The following CYFIP1 variants were observed in gnomAD, a reference collection of about 807,000 sequenced individuals.
The protein encoded by CYFIP1 is cytoplasmic FMR1-interacting protein 1.
A neutral mutation model predicts 163.5 loss-of-function variants in CYFIP1; 58 were observed. That is an observed-to-expected ratio of 0.35 (90% CI 0.29 to 0.44). CYFIP1 has a LOEUF of 0.44. Among genes scored for constraint, CYFIP1 ranks in the 20% least tolerant of loss-of-function variants. The probability of loss-of-function intolerance (pLI) is 1.00; values close to 1 mark genes in which losing one functional copy is unlikely to be tolerated. For synonymous variants in CYFIP1, 663 were observed against 660.7 expected (o/e 1.00, Z -0.05); for missense variants, 1,338 against 1,653.8 (o/e 0.81, Z 3.31).
At chr15:22,954,243 C>G (rs1201549626) in intron 1 of CYFIP1, among the ~76,000 whole-genome samples, 2 of 152,058 alleles carry the variant, frequency 1.3e-5, no homozygotes, top group Non-Finnish European at 2.9e-5. Flanking sequence ...GAGAGGCCAA[C>G]CCTGCTGGCC....
At chr15:22,873,156 A>G (rs1315957947) in intron 29 of CYFIP1, among the ~76,000 whole-genome samples, 184 bp from the exon 30 acceptor site, 5 of 152,124 alleles carry the variant, frequency 3.3e-5, no homozygotes, top group Non-Finnish European at 5.9e-5. Context: ...TTTGATAAAT[A>G]ACTTTTTTGG....
chr15:22,908,276 C>T (rs1250751146), intron 21 of CYFIP1, among the ~76,000 whole-genome samples: 2 of 152,042 alleles, frequency 1.3e-5, no homozygotes, highest in Admixed American at 6.6e-5. Flanking sequence ...CTGAAGGAAG[C>T]GGCTTGCCTC....
chr15:22,968,883 A>G (rs972299188), intron 1 of CYFIP1, among the ~76,000 whole-genome samples: 1 of 152,186 alleles, frequency 6.6e-6, no homozygotes, highest in African/African-American at 2.4e-5. Context: ...CAGCTTGAGA[A>G]GTTGAGCTTT....
intron 23 of CYFIP1, among the ~76,000 whole-genome samples, chr15:22,889,055 C>A (rs4633678): frequency 0.22 from 32,699 of 149,784 alleles, 4,199 homozygotes; most frequent in Non-Finnish European, 0.28. Context: ...AAAAAACACA[C>A]AAAAAAAACA....
chr15:22,977,860 TAAAAG>T (rs1207942090), intron 1 of CYFIP1, among the ~76,000 whole-genome samples: 1 of 151,304 alleles, frequency 6.6e-6, no homozygotes, highest in African/African-American at 2.4e-5. Context: ...TAACATAACA[TAAAAG>T]AAAAGAAAAC....
chr15:22,971,067 A>C (rs865877101), intron 1 of CYFIP1, among the ~76,000 whole-genome samples: 1 of 152,070 alleles, frequency 6.6e-6, no homozygotes, highest in African/African-American at 2.4e-5. Context: ...CAGAGCAAGG[A>C]TCTGTCTCGA....
chr15:22,919,487 C>A (rs4778298), intron 13 of CYFIP1, among the ~76,000 whole-genome samples: 55,825 of 151,902 alleles, frequency 0.37, 10,504 homozygotes, highest in South Asian at 0.51. Flanking sequence ...CGGCTTTTGC[C>A]GTTTATAAAT....
chr15:22,871,228 A>G (rs2059425267), intron 30 of CYFIP1, among the ~76,000 whole-genome samples: 1 of 152,240 alleles, frequency 6.6e-6, no homozygotes, highest in African/African-American at 2.4e-5. Flanking sequence ...AGGAAACAGC[A>G]AAGTTTTAAA....
intron 1 of CYFIP1, among the ~76,000 whole-genome samples, chr15:22,972,175 C>G (rs1207095383): frequency 2.0e-5 from 3 of 152,170 alleles, no homozygotes; most frequent in African/African-American, 7.2e-5. Flanking sequence ...GTGGCTCCCG[C>G]CTGTAATCCC....
intron 13 of CYFIP1, among the ~76,000 whole-genome samples, chr15:22,921,752 G>A (rs945014582): frequency 3.1e-5 from 4 of 127,996 alleles, no homozygotes; most frequent in South Asian, 5.2e-4. Flanking sequence ...GGCAACACGC[G>A]AGACTCTGTC....
chr15:22,935,885 T>C (rs2061696382), intron 9 of CYFIP1, among the ~76,000 whole-genome samples: 1 of 152,236 alleles, frequency 6.6e-6, no homozygotes, highest in African/African-American at 2.4e-5. Flanking sequence ...TCACATCATA[T>C]ACCATAAACA....
At chr15:22,963,333 A>C (rs1414264854) in intron 1 of CYFIP1, among the ~76,000 whole-genome samples, 1 of 151,980 alleles carries the variant, frequency 6.6e-6, no homozygotes, top group Non-Finnish European at 1.5e-5. Context: ...CCTACTAAAA[A>C]TACAGAATTA....
intron 6 of CYFIP1, among the ~76,000 whole-genome samples, chr15:22,939,818 G>A (rs991085897): frequency 2.6e-5 from 4 of 152,056 alleles, no homozygotes; most frequent in Non-Finnish European, 5.9e-5. Flanking sequence ...ACTGGTGGAC[G>A]CCCACCTCAT....
rs184665046 is a variant in CYFIP1 at position 22,875,383 on chromosome 15, T to G, written c.3043-112A>C. The G allele has an allele frequency of 2.4e-3, 2,182 of 892,434 alleles. 8 individuals carry two copies. The highest frequency in any genetic ancestry group is 3.4e-3 in the Non-Finnish European group (1,842 of 538,300). 55.3% of individuals were successfully genotyped at this position (892,434 alleles called of 1,614,324 possible). ...TTTAGCATAAAATAAACTCTGTAAG[T>G]TTATTTTATCTCTGTCAAGAGATTT... On this transcript the variant is annotated intron_variant, in intron 26 of 30. Transcript: ENST00000617928.
At chr15:22,943,472 G>C in intron 5 of CYFIP1, 118 bp from the exon 6 acceptor site, 1 of 1,133,110 alleles carries the variant, frequency 8.8e-7, no homozygotes, top group Non-Finnish European at 1.2e-6. Flanking sequence ...GCCCAGTGAG[G>C]CTCCAGGCCG....
intron 22 of CYFIP1, among the ~76,000 whole-genome samples, chr15:22,903,003 G>C (rs919880558): frequency 2.0e-5 from 3 of 152,196 alleles, no homozygotes; most frequent in African/African-American, 4.8e-5. Context: ...TCAGAGGCAA[G>C]CACAAGCACT....
At chr15:22,945,506 C>A (rs1469120469) in intron 3 of CYFIP1, among the ~76,000 whole-genome samples, 1 of 152,140 alleles carries the variant, frequency 6.6e-6, no homozygotes, top group Non-Finnish European at 1.5e-5. Flanking sequence ...TCTTTAACAT[C>A]GTTTCCTTTG....
chr15:22,879,135 CA>C (rs11356601), intron 26 of CYFIP1, among the ~76,000 whole-genome samples: 77,222 of 129,648 alleles, frequency 0.6, 21,885 homozygotes, highest in African/African-American at 0.72. Flanking sequence ...GACTCCGTCT[CA>C]AAAAAAAAAA....
chr15:22,876,085 G>A (rs1012708100), intron 26 of CYFIP1, among the ~76,000 whole-genome samples: 6 of 151,738 alleles, frequency 4.0e-5, no homozygotes, highest in African/African-American at 1.5e-4. Context: ...AGGTGATGGA[G>A]CCTTCAGTGC....
Sources: gnomAD v4.1 joint callset for allele counts (sites outside exome capture counted in the v4.1 genomes callset) on GRCh38, gnomAD v4.1.1 for gene constraint, MANE v1.5 for transcripts, NCBI Gene and HGNC (gene_info 2026-07-23, HGNC 2026-07-21) for gene names.